Variants in CGGBP1 observed in about 807,000 individuals in gnomAD.
The protein encoded by CGGBP1 is CGG triplet repeat-binding protein 1.
A neutral mutation model predicts 11.4 loss-of-function variants in CGGBP1; 4 were observed. The ratio of observed to expected loss-of-function variants is 0.35; its 90% confidence interval spans 0.17 to 0.80. The LOEUF (loss-of-function observed/expected upper bound fraction) is 0.80. Among genes scored for constraint, CGGBP1 ranks in the 30% least tolerant of loss-of-function variants. The probability of loss-of-function intolerance (pLI) is 0.52; values close to 1 mark genes in which losing one functional copy is unlikely to be tolerated. For synonymous variants in CGGBP1, 76 were observed against 74.1 expected (o/e 1.03, Z -0.13); for missense variants, 135 against 202.1 (o/e 0.67, Z 2.01).
At chr3:88,136,155 T>G (rs1706771535) in intron 2 of CGGBP1, among the ~76,000 whole-genome samples, 1 of 152,148 alleles carries the variant, frequency 6.6e-6, no homozygotes, top group Admixed American at 6.5e-5. Context: ...TGCATCAGAA[T>G]CACCTGTAAA....
At chr3:88,081,498 T>G (rs1170885534) in intron 2 of CGGBP1, among the ~76,000 whole-genome samples, 9 of 152,218 alleles carry the variant, frequency 5.9e-5, no homozygotes, top group Non-Finnish European at 1.2e-4. Flanking sequence ...TTTGTCTTTT[T>G]CCTTCTTTCA....
intron 1 of CGGBP1, chr3:88,143,450 A>G (rs986083938): frequency 1.3e-5 from 2 of 152,308 alleles, no homozygotes; most frequent in Admixed American, 6.6e-5. Context: ...AAATGTAATG[A>G]TTTTTATTTT....
At chr3:88,099,985 T>C (rs1047606515) in intron 2 of CGGBP1, among the ~76,000 whole-genome samples, 1 of 152,042 alleles carries the variant, frequency 6.6e-6, no homozygotes, top group Non-Finnish European at 1.5e-5. Context: ...GGATCTAATT[T>C]AACTAAAGAG....
intron 2 of CGGBP1, among the ~76,000 whole-genome samples, chr3:88,135,779 G>T (rs1413522062): frequency 6.6e-6 from 1 of 152,106 alleles, no homozygotes; most frequent in Non-Finnish European, 1.5e-5. Context: ...AGTGGATCCT[G>T]CAGATCTTTT....
intron 2 of CGGBP1, among the ~76,000 whole-genome samples, chr3:88,109,387 G>T (rs1308917963): frequency 6.6e-6 from 1 of 152,028 alleles, no homozygotes; most frequent in African/African-American, 2.4e-5. Context: ...AAAGTTGAGT[G>T]TTTTAAATAA....
chr3:88,146,278 T>A (rs540026798), intron 1 of CGGBP1, among the ~76,000 whole-genome samples: 1 of 152,328 alleles, frequency 6.6e-6, no homozygotes, highest in South Asian at 2.1e-4. Flanking sequence ...GTTCTTTGTA[T>A]TTCCCTGGAA....
Position 88,055,464 on chromosome 3 carries a change from ACCT to A in CGGBP1, c.*6_*8del. ...ATTTATCTTGATCACAATGGTGGTA[ACCT>A]CCTAGTCAACAATCTTGTGAGTTGA... On this transcript the variant is annotated 3_prime_UTR_variant, in exon 4 of 4. Transcript: ENST00000482016. The surrounding 1 kb of genome is among the most constrained non-coding windows in gnomAD (Gnocchi z 4.2). The A allele has an allele frequency of 6.6e-7, 1 of 1,511,484 alleles. No homozygotes were observed. Among genetic ancestry groups the A allele is most frequent in the South Asian group, 1.4e-5 (1 of 72,950 alleles). The allele number at this position is 1,511,484 out of a possible 1,614,324, so 93.6% of individuals were successfully genotyped here.
chr3:88,109,071 A>G (rs373532461), intron 2 of CGGBP1, among the ~76,000 whole-genome samples: 2 of 151,432 alleles, frequency 1.3e-5, no homozygotes, highest in Non-Finnish European at 2.9e-5. Flanking sequence ...GTTAGGTGCT[A>G]TCCGTGGTTT....
rs1378118231 is a variant in CGGBP1, at chr3:88,054,926, T to G, written c.*547A>C. ...GGAATTGAAAGATAGTTAAGGTGAC[T>G]ACATCATATACAAGTAAAACATAGT... On this transcript the variant is annotated 3_prime_UTR_variant, in exon 4 of 4. Transcript: ENST00000482016. The G allele has an allele frequency of 2.0e-5, 3 of 152,520 alleles. No individual in the cohort carries two copies. The highest frequency in any genetic ancestry group is 4.8e-5 in the African/African-American group (2 of 41,398). The allele number at this position is 152,520 out of a possible 1,614,324, so 9.4% of individuals were successfully genotyped here.
chr3:88,064,519 G>T (rs1220252882), intron 2 of CGGBP1, among the ~76,000 whole-genome samples: 3 of 152,122 alleles, frequency 2.0e-5, no homozygotes, highest in African/African-American at 7.2e-5. Flanking sequence ...TTCTGACTCT[G>T]TTTTCACATC....
At chr3:88,098,303 C>A (rs1272389096) in intron 2 of CGGBP1, among the ~76,000 whole-genome samples, 1 of 152,060 alleles carries the variant, frequency 6.6e-6, no homozygotes, top group Non-Finnish European at 1.5e-5. Context: ...TCTCTGAATA[C>A]ACCAATAACA....
chr3:88,083,939 TTTTATA>T lies in CGGBP1; in HGVS notation c.-228-25722_-228-25717del, dbSNP rs1374691231. 4.6e-4 allele frequency among the ~76,000 whole-genome samples: 11 copies of T among 24,006 alleles called. No homozygotes were observed. The South Asian group carries it at 8.1e-3, about 18-fold the overall frequency. 15.7% of individuals were successfully genotyped at this position (24,006 alleles called of 152,430 possible). A position where few individuals can be genotyped will look rare whatever the true frequency, so the allele number is the denominator to read the frequency against. On this transcript the variant is annotated intron_variant, in intron 2 of 3. Transcript: ENST00000462901. ...TTAATAGGACAATGTAATGTACTTATTTTATATATATATATATATATATATATAGAA... is the reference window on the plus strand; with the variant it reads ...TTAATAGGACAATGTAATGTACTTATTATATATATATATATATATATAGAA...
At chr3:88,090,500 C>T (rs1708574617) in intron 2 of CGGBP1, among the ~76,000 whole-genome samples, 1 of 151,450 alleles carries the variant, frequency 6.6e-6, no homozygotes, top group Non-Finnish European at 1.5e-5. Flanking sequence ...CTAAATGTTA[C>T]AAAATAGTCA....
intron 1 of CGGBP1, chr3:88,141,977 C>T (rs1707154562): frequency 4.5e-6 from 1 of 222,206 alleles, no homozygotes; most frequent in Admixed American, 5.5e-5. Context: ...CAGCTATGGC[C>T]TTACAGAAAG....
intron 2 of CGGBP1, among the ~76,000 whole-genome samples, chr3:88,073,119 G>A (rs1396555558): frequency 6.6e-6 from 1 of 152,156 alleles, no homozygotes; most frequent in Non-Finnish European, 1.5e-5. Flanking sequence ...GGTTCCTAAT[G>A]TGTGGATCTC....
Position 88,055,168 on chromosome 3 carries a change from G to A in CGGBP1, c.*305C>T. 1 of 226,566 alleles carries A rather than the reference G, an allele frequency of 4.4e-6. No homozygotes were observed. Among genetic ancestry groups the A allele is most frequent in the Non-Finnish European group, 8.5e-6 (1 of 116,984 alleles). The allele number at this position is 226,566 out of a possible 1,614,324, so 14.0% of individuals were successfully genotyped here. A position where few individuals can be genotyped will look rare whatever the true frequency, so the allele number is the denominator to read the frequency against. On this transcript the variant is annotated 3_prime_UTR_variant, in exon 4 of 4. Transcript: ENST00000482016. The surrounding 1 kb of genome is among the most constrained non-coding windows in gnomAD (Gnocchi z 4.2). ...TCATACATGGCAACAGGGTAAAAAA[G>A]CAGGGCAGTTCTTCCATGCACAAAC...
chr3:88,094,089 G>A (rs1486290493), intron 2 of CGGBP1, among the ~76,000 whole-genome samples: 1 of 140,490 alleles, frequency 7.1e-6, no homozygotes, highest in African/African-American at 2.6e-5. Flanking sequence ...TCTTCTCTGA[G>A]GAAGAGATAA....
rs141314769 is a variant in CGGBP1, at chr3:88,113,255, C to T, written c.-229+27715G>A. The T allele has an allele frequency of 2.0e-4, 207 of 1,040,930 alleles. No homozygotes were observed. The African/African-American group carries it at 2.4e-3, about 12-fold the overall frequency. 64.5% of individuals were successfully genotyped at this position (1,040,930 alleles called of 1,614,324 possible). A position where few individuals can be genotyped will look rare whatever the true frequency, so the allele number is the denominator to read the frequency against. On this transcript the variant is annotated intron_variant, in intron 2 of 3. Coordinates refer to the CGGBP1 transcript ENST00000462901. Reference sequence around the variant, plus strand: ...ACACTTAAAATAGACCATTATGCTCCCCCTAAATATAGCTTATTGGTTATT... The same window carrying T: ...ACACTTAAAATAGACCATTATGCTCTCCCTAAATATAGCTTATTGGTTATT...
chr3:88,091,305 TAATA>T (rs1386987156), intron 2 of CGGBP1, among the ~76,000 whole-genome samples: 1 of 152,274 alleles, frequency 6.6e-6, no homozygotes, highest in African/African-American at 2.4e-5. Context: ...TAATAAAAAA[TAATA>T]AATAATCACA....
Sources: gnomAD v4.1 joint callset for allele counts (sites outside exome capture counted in the v4.1 genomes callset) on GRCh38, gnomAD v4.1.1 for gene constraint, Gnocchi (gnomAD v3.1) non-coding constraint, MANE v1.5 for transcripts, NCBI Gene and HGNC (gene_info 2026-07-23, HGNC 2026-07-21) for gene names.